Variants in COL16A1 observed in about 807,000 individuals in gnomAD.
COL16A1 encodes collagen alpha-1(XVI) chain.
COL16A1 carries 189 observed loss-of-function variants against 266.3 expected under a neutral mutation model. That is an observed-to-expected ratio of 0.71 (90% confidence interval 0.63 to 0.80). The LOEUF (loss-of-function observed/expected upper bound fraction) is 0.80. Among genes scored for constraint, COL16A1 ranks in the 30% least tolerant of loss-of-function variants. COL16A1 has a pLI of 0.00. For synonymous variants in COL16A1, 740 were observed against 782.3 expected (o/e 0.95, Z 0.90); for missense variants, 1,928 against 2,122.4 (o/e 0.91, Z 1.80).
intron 49 of COL16A1, among the ~76,000 whole-genome samples, chr1:31,669,340 CT>C (rs1642439920): frequency 6.6e-6 from 1 of 152,026 alleles, no homozygotes; most frequent in South Asian, 2.1e-4. Flanking sequence ...GCAAAAATCA[CT>C]TTCTTGGAGG....
rs995444923 is a variant in COL16A1 at position 31,670,795 on chromosome 1, T to C, written c.3151-149A>G. ...TGGAAAAGAGACTCCTTGAAAGTCT[T>C]GGCTCAAAAGACAACTGTTCCTCCC... is the stretch of plus-strand genomic sequence containing the variant. On this transcript the variant is annotated intron_variant, in intron 48 of 70. Coordinates refer to ENST00000373672, the MANE Select transcript of COL16A1 (RefSeq NM_001856.4). The surrounding 1 kb of genome is among the most constrained non-coding windows in gnomAD (Gnocchi z 4.5). The C allele has an allele frequency of 1.0e-5, 6 of 600,418 alleles. No individual in the cohort carries two copies. The highest frequency in any genetic ancestry group is 1.3e-5 in the Non-Finnish European group (5 of 386,768). 37.2% of individuals were successfully genotyped at this position (600,418 alleles called of 1,614,324 possible). A position where few individuals can be genotyped will look rare whatever the true frequency, so the allele number is the denominator to read the frequency against.
intron 1 of COL16A1, 60 bp from the exon 2 acceptor site, chr1:31,702,287 G>A (rs1243548929): frequency 2.6e-6 from 4 of 1,564,726 alleles, no homozygotes; most frequent in Admixed American, 1.8e-5. Flanking sequence ...AACTCCACAC[G>A]TGGGCAAGTC....
Position 31,691,529 on chromosome 1 carries a change from G to T in COL16A1, c.1303-17C>A, listed in dbSNP as rs1288536362. 1 of 1,613,952 alleles carries T rather than the reference G, an allele frequency of 6.2e-7. No individual in the cohort carries two copies. The highest frequency in any genetic ancestry group is 8.5e-7 in the Non-Finnish European group (1 of 1,179,936). On this transcript the variant is annotated splice_polypyrimidine_tract_variant and intron_variant, in intron 18 of 70. Transcript: ENST00000373672. Reference sequence around the variant, plus strand: ...AGGGTCTCCCTGGCACAGACATAAGGTGGGCATCAGAGAGCTGCCACCCCA... The same window carrying T: ...AGGGTCTCCCTGGCACAGACATAAGTTGGGCATCAGAGAGCTGCCACCCCA...
chr1:31,682,177 A>G (rs1296542273), intron 37 of COL16A1, among the ~76,000 whole-genome samples: 1 of 152,210 alleles, frequency 6.6e-6, no homozygotes, highest in Non-Finnish European at 1.5e-5. Flanking sequence ...GAAGCTGACG[A>G]CTATACAGGT....
Position 31,661,684 on chromosome 1 carries a change from G to C in COL16A1, c.3702C>G (p.Gly1234=), listed in dbSNP as rs555831255. The C allele has an allele frequency of 1.2e-6, 2 of 1,603,634 alleles. No homozygotes were observed. The highest frequency in any genetic ancestry group is 1.7e-6 in the Non-Finnish European group (2 of 1,177,308). Residue 1234 remains glycine (G), a synonymous_variant, in exon 59 of 71, where the codon GGC becomes GGG. Transcript: ENST00000373672. ...CCGGTGGTCCCATGAGTCCAGGGGG[G>C]CCAGCAGGACCAGGGTCCCCCTAGG... ...PGLRGDPGPA[G]PPGLMGPPGF...
At chr1:31,690,248 T>G in intron 22 of COL16A1, 119 bp downstream of exon 22, 1 of 1,475,900 alleles carries the variant, frequency 6.8e-7, no homozygotes, top group African/African-American at 1.4e-5. Context: ...GAAGAACGGG[T>G]GGGGGTCCCC....
rs906584209 is a variant in COL16A1, at chr1:31,698,321, T to C, written c.391-149A>G. The C allele has an allele frequency of 3.9e-6, 6 of 1,531,640 alleles. No homozygotes were observed. Among genetic ancestry groups the C allele is most frequent in the Admixed American group, 3.9e-5 (2 of 50,728 alleles). The allele number at this position is 1,531,640 out of a possible 1,614,324, so 94.9% of individuals were successfully genotyped here. On this transcript the variant is annotated intron_variant, in intron 5 of 70. Coordinates refer to ENST00000373672, the MANE Select transcript of COL16A1 (RefSeq NM_001856.4). This position sits in a 1 kb window ranked among gnomAD's most constrained non-coding sequence, Gnocchi z 4.1. ...CCGGCTGGGGTCAAGGAGCTATACATCCTGAAAGAATGAGGTAGGTACTGG... is the reference window on the plus strand; with the variant it reads ...CCGGCTGGGGTCAAGGAGCTATACACCCTGAAAGAATGAGGTAGGTACTGG...
Position 31,653,762 on chromosome 1 carries a change from C to A in COL16A1, c.4535-86G>T, listed in dbSNP as rs1242150249. ...ATTACTTGAAACACACACACACACA[C>A]ACACACACACACATACATCCCATAT... is the stretch of plus-strand genomic sequence containing the variant. On this transcript the variant is annotated intron_variant, in intron 69 of 70. Coordinates refer to ENST00000373672, the MANE Select transcript of COL16A1 (RefSeq NM_001856.4). The A allele has an allele frequency of 7.6e-6, 12 of 1,573,706 alleles. No individual in the cohort carries two copies. In the East Asian group the frequency reaches 2.7e-4, roughly 35 times the overall value.
At position 31,701,377 on chromosome 1, in the gene COL16A1, C is replaced by T. The variant is rs192942609; in HGVS notation, c.73+744G>A. The T allele has an allele frequency of 7.7e-5, 76 of 985,438 alleles. No individual in the cohort carries two copies. The East Asian group carries it at 7.6e-3, about 99-fold the overall frequency. 61.0% of individuals were successfully genotyped at this position (985,438 alleles called of 1,614,324 possible). ...ATGTGCACATACAAGGGGCAGGCGG[C>T]CACACTCACCCTGGGTCCACAATCC... On this transcript the variant is annotated intron_variant, in intron 2 of 70. Transcript: ENST00000373672.
Position 31,680,944 on chromosome 1 carries a change from A to G in COL16A1, c.2584-13T>C, listed in dbSNP as rs778060896. The G allele has an allele frequency of 4.3e-6, 7 of 1,614,156 alleles. No individual in the cohort carries two copies. Among genetic ancestry groups the G allele is most frequent in the Non-Finnish European group, 3.4e-6 (4 of 1,180,026 alleles). On this transcript the variant is annotated splice_polypyrimidine_tract_variant and intron_variant, in intron 38 of 70. Transcript: ENST00000373672. ...GTCCTTTTTCACCCTGCAGGGAAGA[A>G]ACACAGGAAGGTGAGCAGATAGGGG...
chr1:31,694,847 A>T (rs1483735655), intron 11 of COL16A1, among the ~76,000 whole-genome samples: 1 of 152,188 alleles, frequency 6.6e-6, no homozygotes, highest in Non-Finnish European at 1.5e-5. Context: ...CAGGAGAATG[A>T]AGGAAGCCTC....
chr1:31,696,209 C>A, intron 8 of COL16A1, 68 bp from the exon 9 acceptor site: 1 of 1,457,996 alleles, frequency 6.9e-7, no homozygotes, highest in South Asian at 1.1e-5. Flanking sequence ...TGGAAAGGGG[C>A]ACCCAGGCAG....
chr1:31,657,914 C>T lies in COL16A1; in HGVS notation c.4020+574G>A, dbSNP rs116574161. On this transcript the variant is annotated intron_variant, in intron 64 of 70. Coordinates refer to ENST00000373672, the MANE Select transcript of COL16A1 (RefSeq NM_001856.4). This position sits in a 1 kb window ranked among gnomAD's most constrained non-coding sequence, Gnocchi z 6.4. ...CTTCCACTCACTAGCTATGTGACTC[C>T]GAGCAACCTGCCTAACCTTGCGGAG... 2.4e-4 allele frequency among the ~76,000 whole-genome samples: 37 copies of T among 152,300 alleles called. No homozygotes were observed. Among genetic ancestry groups the T allele is most frequent in the Non-Finnish European group, 3.7e-4 (25 of 68,026 alleles).
At chr1:31,674,927 C>T in intron 44 of COL16A1, 80 bp downstream of exon 44, 1 of 1,573,790 alleles carries the variant, frequency 6.4e-7, no homozygotes, top group Non-Finnish European at 8.7e-7. Flanking sequence ...CGAGGTGCCA[C>T]ACAGCTGAGC....
At chr1:31,687,107 C>G (rs1644015692) in intron 26 of COL16A1, among the ~76,000 whole-genome samples, 1 of 152,188 alleles carries the variant, frequency 6.6e-6, no homozygotes, top group Non-Finnish European at 1.5e-5. Flanking sequence ...GAAGGCTGGG[C>G]ACGATGGCTC....
At chr1:31,695,964 C>T in intron 9 of COL16A1, 124 bp downstream of exon 9, 1 of 1,041,680 alleles carries the variant, frequency 9.6e-7, no homozygotes, top group Non-Finnish European at 1.5e-6. Flanking sequence ...ATGTCCTAAG[C>T]TCTGTCCAGG....
chr1:31,699,085 A>G (rs1644619197), intron 4 of COL16A1, among the ~76,000 whole-genome samples: 1 of 152,058 alleles, frequency 6.6e-6, no homozygotes. Context: ...ACAGAGCAAG[A>G]CTTGGTCTCA....
At position 31,670,927 on chromosome 1, in the gene COL16A1, C is replaced by T. The variant is rs990978472; in HGVS notation, c.3151-281G>A. 2.6e-5 allele frequency among the ~76,000 whole-genome samples: 4 copies of T among 152,198 alleles called. No individual in the cohort carries two copies. Among genetic ancestry groups the T allele is most frequent in the Non-Finnish European group, 5.9e-5 (4 of 68,030 alleles). On this transcript the variant is annotated intron_variant, in intron 48 of 70. Coordinates refer to ENST00000373672, the MANE Select transcript of COL16A1 (RefSeq NM_001856.4). This position sits in a 1 kb window ranked among gnomAD's most constrained non-coding sequence, Gnocchi z 4.5. Reference sequence around the variant, plus strand: ...AGTCTAACTGAAGATCCGGTTGCAGCAGAAGCCCATTTCTTTCAGCCTTGC... The same window carrying T: ...AGTCTAACTGAAGATCCGGTTGCAGTAGAAGCCCATTTCTTTCAGCCTTGC...
chr1:31,655,425 C>A lies in COL16A1; in HGVS notation c.4179G>T (p.Lys1393Asn). The change falls in exon 67 of 71, where the codon AAG (lysine) becomes AAT (asparagine). Residue 1393 changes from lysine to asparagine, a missense_variant. Lys to Asn is a moderately conservative substitution (Grantham distance 94). Coordinates refer to ENST00000373672, the MANE Select transcript of COL16A1 (RefSeq NM_001856.4). ...GRAGMPGGPG[K>N]SGSMGPVGPP... is the part of the protein sequence containing the mutation. ...GCCCAACAGGCCCCATGGAACCACTCTTGCCAGGTCCACCAGGCATGCCGG... is the reference window on the plus strand; with the variant it reads ...GCCCAACAGGCCCCATGGAACCACTATTGCCAGGTCCACCAGGCATGCCGG... The A allele has an allele frequency of 6.2e-7, 1 of 1,614,154 alleles. No homozygotes were observed. Among genetic ancestry groups the A allele is most frequent in the Non-Finnish European group, 8.5e-7 (1 of 1,180,010 alleles).
Sources: gnomAD v4.1 joint callset for allele counts (sites outside exome capture counted in the v4.1 genomes callset) on GRCh38, gnomAD v4.1.1 for gene constraint, Gnocchi (gnomAD v3.1) non-coding constraint, MANE v1.5 for transcripts, NCBI Gene and HGNC (gene_info 2026-07-23, HGNC 2026-07-21) for gene names.